Variants in TPM4 observed in about 807,000 individuals in gnomAD.
The protein encoded by TPM4 is tropomyosin alpha-4 chain.
Under a neutral mutation model 35.8 loss-of-function variants are expected in TPM4, and 17 were observed. The observed-to-expected ratio is 0.47, with a 90% CI of 0.32 to 0.71. The LOEUF (loss-of-function observed/expected upper bound fraction) is 0.71, where lower values mean the gene tolerates loss of function less well. Ranked by LOEUF, TPM4 falls within the 30% of genes least tolerant of loss-of-function variation. The pLI is 0.03. For missense variants in TPM4, 240 were observed against 320.9 expected, an observed-to-expected ratio of 0.75 and a Z score of 1.93; for synonymous variants, 120 against 122.9, an observed-to-expected ratio of 0.98 and a Z score of 0.15.
At chr19:16,069,491 G>T (rs1490345447) in intron 2 of TPM4, among the ~76,000 whole-genome samples, 3 of 1,566 alleles carry the variant, frequency 1.9e-3, no homozygotes, top group African/African-American at 7.4e-3. Context: ...GTGTGTTTCT[G>T]ATGGGGTGTG....
intron 7 of TPM4, among the ~76,000 whole-genome samples, chr19:16,097,635 A>C (rs969219429): frequency 6.6e-6 from 1 of 152,128 alleles, no homozygotes; most frequent in African/African-American, 2.4e-5. Context: ...CAAATAGTGC[A>C]TCTGGTTCTC....
chr19:16,076,282 C>T, upstream of TPM4: 2 of 1,519,248 alleles, frequency 1.3e-6, no homozygotes, highest in Admixed American at 2.5e-5. Flanking sequence ...GAGAAGGCGG[C>T]GCCTCCCAGC....
chr19:16,082,917 A>C (rs1241973486), intron 2 of TPM4, among the ~76,000 whole-genome samples: 1 of 149,698 alleles, frequency 6.7e-6, no homozygotes, highest in East Asian at 2.0e-4. Flanking sequence ...ACTTGACCCC[A>C]AGAGTTTGAA....
At chr19:16,074,439 A>G (rs1040779081), upstream of TPM4, 26 of 152,320 alleles carry the variant, frequency 1.7e-4, no homozygotes, top group African/African-American at 5.8e-4. Flanking sequence ...GGAAGAGGAT[A>G]ACCAAGTTCT....
At chr19:16,089,506 G>C (rs2090599809) in intron 5 of TPM4, among the ~76,000 whole-genome samples, 2 of 152,166 alleles carry the variant, frequency 1.3e-5, no homozygotes, top group African/African-American at 4.8e-5. Flanking sequence ...TTTTTAGTTT[G>C]AAACAGCACC....
intron 1 of TPM4, among the ~76,000 whole-genome samples, chr19:16,078,757 A>C (rs16981094): frequency 0.031 from 4,766 of 151,806 alleles, 260 homozygotes; most frequent in African/African-American, 0.11. Context: ...TTGAAAAAGC[A>C]AAGGATGCTT....
chr19:16,069,423 GTGTAT>G (rs1599355418), intron 2 of TPM4, among the ~76,000 whole-genome samples: 2 of 25,868 alleles, frequency 7.7e-5, no homozygotes, highest in East Asian at 9.8e-4. Flanking sequence ...TTCTGTTGGT[GTGTAT>G]GTGTGTGAAT....
intron 1 of TPM4, 24 bp from the exon 2 acceptor site, chr19:16,081,889 T>C (rs1568303455): frequency 1.9e-6 from 3 of 1,570,958 alleles, no homozygotes; most frequent in South Asian, 2.3e-5. Flanking sequence ...CTTCTTAACA[T>C]GGCTGCACCT....
intron 3 of TPM4, 97 bp downstream of exon 3, chr19:16,086,637 G>C: frequency 1.0e-6 from 1 of 995,838 alleles, no homozygotes; most frequent in Non-Finnish European, 1.5e-6. Context: ...GGAAGCTCTC[G>C]GTTAGGTCAG....
chr19:16,068,917 C>T (rs1447093859), intron 2 of TPM4, among the ~76,000 whole-genome samples: 1 of 152,054 alleles, frequency 6.6e-6, no homozygotes, highest in Non-Finnish European at 1.5e-5. Flanking sequence ...ACTAGGAGAG[C>T]TGTGTGTGGG....
rs2090313910 is a variant in TPM4 at position 16,067,879 on chromosome 19, G to T, written c.114+141G>T. On this transcript the variant is annotated intron_variant, in intron 2 of 2. Coordinates refer to the TPM4 transcript ENST00000589897. The surrounding 1 kb of genome is among the most constrained non-coding windows in gnomAD (Gnocchi z 4.1). ...TGCTTTGGCGGAGGAAGAGCGAGGGGACCATTGCCTTCCTTGGATGGGGTC... is the reference window on the plus strand; with the variant it reads ...TGCTTTGGCGGAGGAAGAGCGAGGGTACCATTGCCTTCCTTGGATGGGGTC... 2 of 742,672 alleles carry T rather than the reference G, an allele frequency of 2.7e-6. No individual in the cohort carries two copies. Among genetic ancestry groups the T allele is most frequent in the East Asian group, 6.3e-5 (2 of 31,552 alleles). 46.0% of individuals were successfully genotyped at this position (742,672 alleles called of 1,614,324 possible). A position where few individuals can be genotyped will look rare whatever the true frequency, so the allele number is the denominator to read the frequency against.
chr19:16,089,845 AT>A (rs2144947507), intron 5 of TPM4, among the ~76,000 whole-genome samples: 1 of 149,374 alleles, frequency 6.7e-6, no homozygotes, highest in Admixed American at 6.7e-5. Flanking sequence ...ATAAACCCCT[AT>A]TCAGCCTTTT....
chr19:16,074,064 G>C (rs534971315), upstream of TPM4, among the ~76,000 whole-genome samples: 2 of 150,730 alleles, frequency 1.3e-5, no homozygotes, highest in African/African-American at 4.9e-5. Flanking sequence ...GGGGCACCTG[G>C]TACATTTTGC....
chr19:16,080,915 G>C, intron 1 of TPM4: 1 of 397,616 alleles, frequency 2.5e-6, no homozygotes, highest in Non-Finnish European at 4.4e-6. Context: ...TTTCTTGTAG[G>C]TAAAAACACC....
chr19:16,079,112 T>C (rs1437833058), intron 1 of TPM4, among the ~76,000 whole-genome samples: 1 of 152,202 alleles, frequency 6.6e-6, no homozygotes, highest in African/African-American at 2.4e-5. Context: ...TATGTATGCA[T>C]GTACAGATAT....
chr19:16,072,784 G>A (rs1454717143), upstream of TPM4, among the ~76,000 whole-genome samples: 2 of 152,014 alleles, frequency 1.3e-5, no homozygotes, highest in Non-Finnish European at 2.9e-5. Context: ...GCATGAGCCT[G>A]TAATCCCAGC....
Position 16,101,339 on chromosome 19 carries a change from G to T in TPM4, c.740G>T (p.Cys247Phe), listed in dbSNP as rs769958340. Residue 247 changes from cysteine (C) to phenylalanine (F), a missense_variant, in exon 8 of 8, where the codon TGT (cysteine) becomes TTT (phenylalanine). Transcript: ENST00000643579. The part of the protein sequence containing the change: ...TLDQTLNELN[C>F]I ...GATCAGACACTAAACGAACTTAACT[G>T]TATATAAGCAAAACAGAAGAGTCTT... 2 of 1,596,688 alleles carry T rather than the reference G, an allele frequency of 1.3e-6. No homozygotes were observed. The highest frequency in any genetic ancestry group is 3.5e-5 in the Admixed American group (2 of 57,134).
upstream of TPM4, among the ~76,000 whole-genome samples, chr19:16,072,098 G>T (rs999302774): frequency 1.3e-5 from 2 of 152,262 alleles, no homozygotes; most frequent in Non-Finnish European, 2.9e-5. Context: ...GGAATTACAG[G>T]CGTGAGCCAC....
chr19:16,098,207 C>T (rs748356503), intron 7 of TPM4, among the ~76,000 whole-genome samples: 8 of 152,256 alleles, frequency 5.3e-5, no homozygotes, highest in African/African-American at 9.6e-5. Flanking sequence ...CTTTGGGAGG[C>T]CAAGGCAGGC....
Sources: allele counts gnomAD v4.1 joint callset (sites outside exome capture counted in the v4.1 genomes callset), GRCh38; gene constraint gnomAD v4.1.1; non-coding constraint Gnocchi (gnomAD v3.1); transcripts MANE v1.5; gene names NCBI Gene and HGNC (gene_info 2026-07-23, HGNC 2026-07-21).